Variants in TSPAN7 observed in about 807,000 individuals in gnomAD.
TSPAN7 encodes tetraspanin 7, also known as tetraspanin-7.
TSPAN7 carries 1 observed loss-of-function variant against 17.6 expected under a neutral mutation model. That is an observed-to-expected ratio of 0.06 (90% CI 0.02 to 0.27). TSPAN7 has a LOEUF of 0.27. Ranked by LOEUF, TSPAN7 falls within the 10% of genes least tolerant of loss-of-function variation. The probability of loss-of-function intolerance (pLI) is 1.00; values close to 1 mark genes in which losing one functional copy is unlikely to be tolerated. For synonymous variants in TSPAN7, 78 were observed against 79.0 expected, an observed-to-expected ratio of 0.99 and a Z score of 0.07; for missense variants, 112 against 201.7, an observed-to-expected ratio of 0.56 and a Z score of 2.69.
chrX:38,640,603 C>T (rs933726557), intron 1 of TSPAN7, among the ~76,000 whole-genome samples: 1 of 112,548 alleles, frequency 8.9e-6, no homozygotes, highest in Non-Finnish European at 1.9e-5. Flanking sequence ...CAAGCAAGCC[C>T]TTCCTTCCCT....
intron 1 of TSPAN7, among the ~76,000 whole-genome samples, chrX:38,600,510 G>A (rs1256670471): frequency 4.5e-5 from 5 of 111,691 alleles, no homozygotes; most frequent in African/African-American, 6.5e-5. Context: ...AGCAAGGGAA[G>A]CACGTAAGCT....
intron 1 of TSPAN7, among the ~76,000 whole-genome samples, chrX:38,635,805 A>C (rs2069577069): frequency 9.0e-6 from 1 of 111,272 alleles, no homozygotes; most frequent in African/African-American, 3.3e-5. Flanking sequence ...GCAGAGTAGG[A>C]CTCAAACGCA....
chrX:38,676,065 TTCTC>T (rs1328137289), intron 5 of TSPAN7, among the ~76,000 whole-genome samples: 2 of 111,887 alleles, frequency 1.8e-5, no homozygotes, highest in Non-Finnish European at 3.8e-5. Flanking sequence ...AGCCTTGTCT[TTCTC>T]TCCCACAGCA....
At chrX:38,577,603 G>A (rs1196070470) in intron 1 of TSPAN7, among the ~76,000 whole-genome samples, 2 of 91,584 alleles carry the variant, frequency 2.2e-5, no homozygotes, top group Non-Finnish European at 4.2e-5. Flanking sequence ...TCATAGGTGG[G>A]AATTGAACAA....
intron 2 of TSPAN7, among the ~76,000 whole-genome samples, chrX:38,670,421 AC>A (rs1290583906): frequency 4.5e-5 from 5 of 112,227 alleles, no homozygotes; most frequent in Non-Finnish European, 1.9e-5. Context: ...CATGCAAAAA[AC>A]TTGAGAAGTA....
intron 1 of TSPAN7, among the ~76,000 whole-genome samples, chrX:38,610,762 A>G (rs2069413541): frequency 8.9e-6 from 1 of 112,487 alleles, no homozygotes; most frequent in African/African-American, 3.2e-5. Context: ...CCTATTCACA[A>G]TGGAGCAATC....
chrX:38,583,474 C>T (rs970952614), intron 1 of TSPAN7, among the ~76,000 whole-genome samples: 2 of 112,298 alleles, frequency 1.8e-5, no homozygotes, highest in Non-Finnish European at 3.8e-5. Flanking sequence ...ATATTGAGTG[C>T]CTGTTCAAAT....
intron 1 of TSPAN7, among the ~76,000 whole-genome samples, chrX:38,605,221 A>T (rs201971258): frequency 0.17 from 18,634 of 107,788 alleles, 1,791 homozygotes; most frequent in African/African-American, 0.36. Flanking sequence ...GTCTCAGGAT[A>T]CAAAATCAAT....
chrX:38,605,853 G>A (rs1386463612), intron 1 of TSPAN7, among the ~76,000 whole-genome samples: 3 of 108,793 alleles, frequency 2.8e-5, no homozygotes, highest in African/African-American at 1.0e-4. Context: ...AAACTGGCTA[G>A]CCATATGTAG....
chrX:38,630,294 C>G (rs765696034), intron 1 of TSPAN7, among the ~76,000 whole-genome samples: 1 of 112,154 alleles, frequency 8.9e-6, no homozygotes, highest in African/African-American at 3.2e-5. Context: ...ATATATTGCT[C>G]TGTTCTGTAG....
At chrX:38,685,224 G>A (rs2069920385) in intron 6 of TSPAN7, among the ~76,000 whole-genome samples, 1 of 111,783 alleles carries the variant, frequency 8.9e-6, no homozygotes, top group Admixed American at 9.5e-5. Context: ...CTTAAGCTCT[G>A]AGAATTACCT....
At chrX:38,644,895 C>A (rs2069635936) in intron 1 of TSPAN7, among the ~76,000 whole-genome samples, 1 of 111,999 alleles carries the variant, frequency 8.9e-6, no homozygotes, top group Non-Finnish European at 1.9e-5. Context: ...TGAGGGAATG[C>A]ACACACACAG....
At chrX:38,572,789 A>G (rs1178565009) in intron 1 of TSPAN7, among the ~76,000 whole-genome samples, 5 of 111,756 alleles carry the variant, frequency 4.5e-5, no homozygotes, top group Non-Finnish European at 9.4e-5. Flanking sequence ...CCCCATCTCT[A>G]TTTGAGTTAA....
intron 1 of TSPAN7, among the ~76,000 whole-genome samples, chrX:38,581,965 T>C (rs2069229631): frequency 8.9e-6 from 1 of 112,615 alleles, no homozygotes; most frequent in African/African-American, 3.2e-5. Flanking sequence ...GAGCTGACAC[T>C]AGCTAGACAC....
intron 1 of TSPAN7, among the ~76,000 whole-genome samples, chrX:38,634,113 T>C (rs1294210193): frequency 8.9e-6 from 1 of 112,010 alleles, no homozygotes; most frequent in Non-Finnish European, 1.9e-5. Context: ...TCACTTTTAA[T>C]TCGAATCGGA....
intron 1 of TSPAN7, among the ~76,000 whole-genome samples, chrX:38,629,845 A>G (rs367894551): frequency 8.9e-6 from 1 of 112,137 alleles, no homozygotes; most frequent in Non-Finnish European, 1.9e-5. Context: ...CTGTTCTACA[A>G]TGATAGAGTG....
chrX:38,613,418 A>G (rs1229470836), intron 1 of TSPAN7, among the ~76,000 whole-genome samples: 2 of 111,911 alleles, frequency 1.8e-5, no homozygotes, highest in African/African-American at 6.5e-5. Context: ...GATGTCTGGT[A>G]ATCCTTGGTT....
chrX:38,675,679 T>A (rs190004633), intron 4 of TSPAN7, 26 bp from the exon 5 acceptor site: 10 of 1,209,397 alleles, frequency 8.3e-6, no homozygotes, highest in Middle Eastern at 2.3e-4. Flanking sequence ...GCCATTTTTT[T>A]ATTCTTTTCC....
At chrX:38,659,351 C>T (rs1213308276) in intron 1 of TSPAN7, among the ~76,000 whole-genome samples, 1 of 111,732 alleles carries the variant, frequency 8.9e-6, no homozygotes, top group Non-Finnish European at 1.9e-5. Context: ...ACCCCTGCTG[C>T]TGGTGGTTTA....
Sources: allele counts gnomAD v4.1 joint callset (sites outside exome capture counted in the v4.1 genomes callset), GRCh38; gene constraint gnomAD v4.1.1; transcripts MANE v1.5; gene names NCBI Gene and HGNC (gene_info 2026-07-23, HGNC 2026-07-21).